The following FAM114A1 variants were observed in gnomAD, a reference collection of about 807,000 sequenced individuals.
FAM114A1 encodes family with sequence similarity 114 member A1.
In FAM114A1, 62 loss-of-function variants were observed where a neutral mutation model predicts 64.3. The observed-to-expected ratio is 0.96, with a 90% CI of 0.79 to 1.19. The LOEUF (loss-of-function observed/expected upper bound fraction) is 1.19, where lower values mean the gene tolerates loss of function less well. Among genes scored for constraint, FAM114A1 ranks in the 50% most tolerant of loss-of-function variants. FAM114A1 has a pLI of 0.00. For missense variants in FAM114A1, 645 were observed against 676.3 expected (o/e 0.95, Z 0.51); for synonymous variants, 254 against 251.1 (o/e 1.01, Z -0.11).
rs150798029 is a variant in FAM114A1, at chr4:38,900,366, C to T, written c.437-5156C>T. The stretch of plus-strand genomic sequence containing the variant: ...CCTCAAAAAACTAAAAACAGAATTA[C>T]CATATGATCCACCAATTCCACTTCT... On this transcript the variant is annotated intron_variant, in intron 4 of 14. Coordinates refer to ENST00000358869, the MANE Select transcript of FAM114A1 (RefSeq NM_138389.4). Among the ~76,000 whole-genome samples the T allele has an allele frequency of 1.2e-3, 187 of 152,038 alleles. 1 individual carries two copies. The highest frequency in any genetic ancestry group is 3.7e-3 in the African/African-American group (155 of 41,480).
In FAM114A1 at chr4:38,905,851, T is replaced by C; in HGVS notation, c.647T>C (p.Val216Ala). 1 of 1,611,438 alleles carries C rather than the reference T, an allele frequency of 6.2e-7. No individual in the cohort carries two copies. Among genetic ancestry groups the C allele is most frequent in the Non-Finnish European group, 8.5e-7 (1 of 1,179,330 alleles). The change falls in exon 6 of 15, where the codon GTT becomes GCT. Residue 216 changes from valine (V) to alanine (A), a missense_variant. Physicochemically the swap from Val to Ala is moderately conservative, Grantham distance 64. Transcript: ENST00000358869. ...RGMLSAITNV[V>A]QNTGKSVLTG... ...ATGCTGTCTGCCATCACCAATGTGG[T>C]TCAAAACACAGTGAGTCGCTGGCTG... is the stretch of plus-strand genomic sequence containing the variant.
chr4:38,931,440 G>T lies in FAM114A1; in HGVS notation c.1162-11G>T. 4 of 1,591,508 alleles carry T rather than the reference G, an allele frequency of 2.5e-6. No homozygotes were observed. The highest frequency in any genetic ancestry group is 1.9e-5 in the Admixed American group (1 of 53,444). ...GCCATAAAAGGATTGTTTGGTTGGG[G>T]ACCTCTGCAGGCCATGAAGAGGGCT... On this transcript the variant is annotated splice_polypyrimidine_tract_variant and intron_variant, in intron 10 of 14. Coordinates refer to ENST00000358869, the MANE Select transcript of FAM114A1 (RefSeq NM_138389.4).
At chr4:38,920,140 G>A (rs1719449063) in intron 8 of FAM114A1, among the ~76,000 whole-genome samples, 1 of 151,802 alleles carries the variant, frequency 6.6e-6, no homozygotes, top group Admixed American at 6.6e-5. Context: ...CCGGGAGGCG[G>A]AGGTTCCAGT....
chr4:38,905,096 A>G (rs55718051), intron 4 of FAM114A1, among the ~76,000 whole-genome samples: 63,008 of 151,914 alleles, frequency 0.41, 13,478 homozygotes, highest in Middle Eastern at 0.5. Flanking sequence ...CTTTCTTTCA[A>G]TCAGGATGTA....
chr4:38,869,049 A>G (rs1199628875), intron 2 of FAM114A1, among the ~76,000 whole-genome samples: 1 of 152,220 alleles, frequency 6.6e-6, no homozygotes, highest in Non-Finnish European at 1.5e-5. Flanking sequence ...GTCTTTGTTT[A>G]TTTGACCAGG....
In FAM114A1 at chr4:38,944,351, T is replaced by A. The variant is rs1721808855; in HGVS notation, c.*794T>A. The A allele has an allele frequency of 6.6e-6, 1 of 152,378 alleles. No individual in the cohort carries two copies. Among genetic ancestry groups the A allele is most frequent in the African/African-American group, 2.4e-5 (1 of 41,456 alleles). 9.4% of individuals were successfully genotyped at this position (152,378 alleles called of 1,614,324 possible). A position where few individuals can be genotyped will look rare whatever the true frequency, so the allele number is the denominator to read the frequency against. The stretch of plus-strand genomic sequence containing the variant: ...TCCCAAAGTGCTGGGATTACAGGCT[T>A]GAGCCACCGCGCCCGGCCGGTCATT... On this transcript the variant is annotated 3_prime_UTR_variant, in exon 15 of 15. Transcript: ENST00000358869.
rs1164048261 is a variant in FAM114A1, at chr4:38,945,053, T to C, written c.*1496T>C. 2 of 152,202 alleles carry C rather than the reference T, an allele frequency of 1.3e-5. No homozygotes were observed. Among genetic ancestry groups the C allele is most frequent in the Non-Finnish European group, 2.9e-5 (2 of 68,036 alleles). The allele number at this position is 152,202 out of a possible 1,614,324, so 9.4% of individuals were successfully genotyped here. A position where few individuals can be genotyped will look rare whatever the true frequency, so the allele number is the denominator to read the frequency against. On this transcript the variant is annotated 3_prime_UTR_variant, in exon 15 of 15. Coordinates refer to ENST00000358869, the MANE Select transcript of FAM114A1 (RefSeq NM_138389.4). ...ACTATGTATATGAGGTGAAAATATA[T>C]ATGAAAAGGGATACTGAAGAATATT...
In FAM114A1 at chr4:38,932,287, T is replaced by A. The variant is rs761013221; in HGVS notation, c.1376T>A (p.Ile459Asn). The A allele has an allele frequency of 2.5e-6, 4 of 1,613,832 alleles. No homozygotes were observed. The Admixed American group carries it at 6.7e-5, about 27-fold the overall frequency. ...ESLAEVTARC[I>N]EQLHKVAELI... is the part of the protein sequence containing the mutation. ...CTGGCGGAGGTAACAGCGCGCTGTA[T>A]TGAGCAGCTTCATAAAGTAGCAGAA... is the stretch of plus-strand genomic sequence containing the variant. The change falls in exon 12 of 15, where the codon ATT becomes AAT. Residue 459 changes from isoleucine (I) to asparagine (N), a missense_variant. Coordinates refer to ENST00000358869, the MANE Select transcript of FAM114A1 (RefSeq NM_138389.4).
intron 3 of FAM114A1, among the ~76,000 whole-genome samples, chr4:38,883,448 T>A (rs1254119074): frequency 6.6e-6 from 1 of 151,694 alleles, no homozygotes; most frequent in Non-Finnish European, 1.5e-5. Flanking sequence ...AGATTAAATT[T>A]CTCTGAATTC....
Position 38,891,749 on chromosome 4 carries a change from G to A in FAM114A1, c.355G>A (p.Asp119Asn). 1.2e-6 allele frequency: 2 copies of A among 1,607,094 alleles called. No homozygotes were observed. Among genetic ancestry groups the A allele is most frequent in the Non-Finnish European group, 1.7e-6 (2 of 1,177,000 alleles). The change falls in exon 4 of 15, where the codon GAT (aspartate) becomes AAT (asparagine). Residue 119 changes from aspartate (D) to asparagine (N), a missense_variant. Physicochemically the swap from Asp to Asn is conservative, Grantham distance 23. Transcript: ENST00000358869. ...PLQEQNYLAV[D>N]SPPSGGGWAG... ...CTAATTTGTTTTTCTCCAGGCTGTG[G>A]ATTCCCCTCCAAGTGGAGGAGGATG...
At chr4:38,911,438 G>A (rs574453726) in intron 7 of FAM114A1, among the ~76,000 whole-genome samples, 1 of 152,338 alleles carries the variant, frequency 6.6e-6, no homozygotes, top group Non-Finnish European at 1.5e-5. Flanking sequence ...ATGCTCCCAG[G>A]AGTAGGAGGG....
chr4:38,900,082 G>A (rs904744603), intron 4 of FAM114A1, among the ~76,000 whole-genome samples: 2 of 151,872 alleles, frequency 1.3e-5, no homozygotes, highest in Non-Finnish European at 2.9e-5. Context: ...TTTTAAATCT[G>A]CACATGAAAA....
At chr4:38,880,112 A>G (rs868862899) in intron 3 of FAM114A1, among the ~76,000 whole-genome samples, 76 of 56,940 alleles carry the variant, frequency 1.3e-3, no homozygotes, top group African/African-American at 3.7e-3. Flanking sequence ...ATAGAGTAGA[A>G]TAGAATAGAA....
Position 38,891,777 on chromosome 4 carries a change from C to T in FAM114A1, c.383C>T (p.Ala128Val). 6.2e-7 allele frequency: 1 copy of T among 1,612,248 alleles called. No homozygotes were observed. The highest frequency in any genetic ancestry group is 8.5e-7 in the Non-Finnish European group (1 of 1,179,214). Reference sequence around the variant, plus strand: ...TCCCCTCCAAGTGGAGGAGGATGGGCAGGCTGGGGATCCTGGGGCAAATCT... The same window carrying T: ...TCCCCTCCAAGTGGAGGAGGATGGGTAGGCTGGGGATCCTGGGGCAAATCT... The part of the protein sequence containing the change: ...VDSPPSGGGW[A>V]GWGSWGKSLL... Residue 128 changes from alanine (A) to valine (V), a missense_variant, in exon 4 of 15, where the codon GCA (alanine) becomes GTA (valine). Transcript: ENST00000358869.
chr4:38,936,349 C>G (rs1177429919), intron 13 of FAM114A1, among the ~76,000 whole-genome samples: 2 of 151,748 alleles, frequency 1.3e-5, no homozygotes, highest in African/African-American at 4.8e-5. Context: ...CCACCTCGGC[C>G]CTGCAAAGTG....
intron 3 of FAM114A1, among the ~76,000 whole-genome samples, chr4:38,886,598 A>G (rs1249401274): frequency 6.6e-6 from 1 of 152,094 alleles, no homozygotes; most frequent in African/African-American, 2.4e-5. Context: ...AATCATGTGC[A>G]TGATTAAATG....
At chr4:38,882,818 A>G (rs1715423444) in intron 3 of FAM114A1, among the ~76,000 whole-genome samples, 1 of 152,224 alleles carries the variant, frequency 6.6e-6, no homozygotes, top group Non-Finnish European at 1.5e-5. Flanking sequence ...AATCCACATC[A>G]TTAGGCTCAC....
At chr4:38,938,157 A>G (rs571446535) in intron 13 of FAM114A1, among the ~76,000 whole-genome samples, 2 of 152,336 alleles carry the variant, frequency 1.3e-5, no homozygotes, top group Admixed American at 6.5e-5. Flanking sequence ...GCTCATCAGC[A>G]TGGGTCACAT....
chr4:38,922,938 T>C, intron 9 of FAM114A1, 45 bp downstream of exon 9: 1 of 1,571,512 alleles, frequency 6.4e-7, no homozygotes, highest in Non-Finnish European at 8.6e-7. Context: ...GTTGGCATAA[T>C]CCTTACGAAA....
Sources: allele counts gnomAD v4.1 joint callset (sites outside exome capture counted in the v4.1 genomes callset), GRCh38; gene constraint gnomAD v4.1.1; transcripts MANE v1.5; gene names NCBI Gene and HGNC (gene_info 2026-07-23, HGNC 2026-07-21).